ICAM1: variants seen among roughly 807,000 people sequenced by gnomAD.
ICAM1 encodes the protein ICAM-1.
ICAM1 carries 28 observed loss-of-function variants against 42.3 expected under a neutral mutation model. The observed-to-expected ratio is 0.66, with a 90% CI of 0.49 to 0.91. The LOEUF (loss-of-function observed/expected upper bound fraction) is 0.91, where lower values mean the gene tolerates loss of function less well. Among genes scored for constraint, ICAM1 ranks in the 40% least tolerant of loss-of-function variants. ICAM1 has a pLI of 0.00. For synonymous variants in ICAM1, 304 were observed against 305.9 expected (o/e 0.99, Z 0.07); for missense variants, 637 against 688.6 (o/e 0.93, Z 0.84).
rs2040080175 is a variant in ICAM1 at position 10,283,789 on chromosome 19, G to C, written c.637+3G>C. The C allele has an allele frequency of 6.3e-7, 1 of 1,592,888 alleles. No individual in the cohort carries two copies. The highest frequency in any genetic ancestry group is 2.2e-5 in the East Asian group (1 of 44,496). On this transcript the variant is annotated splice_donor_region_variant and intron_variant, in intron 3 of 6. Coordinates refer to ENST00000264832, the MANE Select transcript of ICAM1 (RefSeq NM_000201.3). Reference sequence around the variant, plus strand: ...CCCCTACCAGCTCCAGACCTTTGGTGAGGATTGAAGAAGCCAGCAGGGAGA... The same window carrying C: ...CCCCTACCAGCTCCAGACCTTTGGTCAGGATTGAAGAAGCCAGCAGGGAGA...
chr19:10,282,573 T>TG (rs1054103953), intron 2 of ICAM1, among the ~76,000 whole-genome samples: 33 of 151,992 alleles, frequency 2.2e-4, no homozygotes, highest in Admixed American at 7.2e-4. Flanking sequence ...TTCTTAGAGA[T>TG]GGGGGTCTCC....
chr19:10,280,933 GTT>G (rs2040051922), intron 2 of ICAM1, among the ~76,000 whole-genome samples: 1 of 144,918 alleles, frequency 6.9e-6, no homozygotes, highest in Non-Finnish European at 1.5e-5. Flanking sequence ...GAGTGCAGTG[GTT>G]CGATCTGGGC....
At position 10,283,741 on chromosome 19, in the gene ICAM1, G is replaced by A. The variant is rs2040079656; in HGVS notation, c.592G>A (p.Glu198Lys). Residue 198 changes from glutamate to lysine, a missense_variant, in exon 3 of 7, where the codon GAG (glutamate) becomes AAG (lysine). Transcript: ENST00000264832. The stretch of plus-strand genomic sequence containing the variant: ...ACTGGACCTGCGGCCCCAAGGGCTG[G>A]AGCTGTTTGAGAACACCTCGGCCCC... Reference protein sequence around the residue: ...TELDLRPQGLELFENTSAPYQ... With the variant: ...TELDLRPQGLKLFENTSAPYQ... 6.2e-7 allele frequency: 1 copy of A among 1,612,908 alleles called. No homozygotes were observed. Among genetic ancestry groups the A allele is most frequent in the African/African-American group, 1.3e-5 (1 of 74,906 alleles).
chr19:10,273,796 T>C (rs573549813), intron 1 of ICAM1, among the ~76,000 whole-genome samples: 2 of 152,142 alleles, frequency 1.3e-5, no homozygotes, highest in African/African-American at 4.8e-5. Flanking sequence ...GGCGGATCAC[T>C]TGAGGCCAGG....
chr19:10,281,775 TCTAGAGTACAG>T (rs2040061441), intron 2 of ICAM1, among the ~76,000 whole-genome samples: 1 of 147,520 alleles, frequency 6.8e-6, no homozygotes, highest in Admixed American at 6.9e-5. Context: ...TGTCACTCAG[TCTAGAGTACAG>T]TGGCGCGATC....
chr19:10,284,729 G>C lies in ICAM1; in HGVS notation c.1181-54G>C. 6.2e-7 allele frequency: 1 copy of C among 1,608,794 alleles called. No individual in the cohort carries two copies. Among genetic ancestry groups the C allele is most frequent in the East Asian group, 2.2e-5 (1 of 44,852 alleles). On this transcript the variant is annotated intron_variant, in intron 5 of 6. Coordinates refer to ENST00000264832, the MANE Select transcript of ICAM1 (RefSeq NM_000201.3). The surrounding 1 kb of genome is among the most constrained non-coding windows in gnomAD (Gnocchi z 5.4). ...CTCCCTGAAGGTCCCATAAGGTCTT[G>C]CCTCCAAGTCCTGCCCCCACCCACC... is the stretch of plus-strand genomic sequence containing the variant.
intron 1 of ICAM1, among the ~76,000 whole-genome samples, chr19:10,273,362 C>T (rs529231130): frequency 6.6e-6 from 1 of 152,044 alleles, no homozygotes. Context: ...CGTGGTGGCG[C>T]ATGCCTGTAA....
chr19:10,283,856 C>T, intron 3 of ICAM1, 70 bp downstream of exon 3: 1 of 1,497,816 alleles, frequency 6.7e-7, no homozygotes, highest in Non-Finnish European at 9.0e-7. Flanking sequence ...CCTGTGGCCA[C>T]AGGATCTTTT....
In ICAM1 at chr19:10,284,201, C is replaced by T. The variant is rs2040084337; in HGVS notation, c.806C>T (p.Ser269Phe). Residue 269 changes from serine to phenylalanine, a missense_variant, in exon 4 of 7, where the codon TCC becomes TTC. Ser to Phe is a radical substitution (Grantham distance 155, BLOSUM62 -2). Coordinates refer to ENST00000264832, the MANE Select transcript of ICAM1 (RefSeq NM_000201.3). This position sits in a 1 kb window ranked among gnomAD's most constrained non-coding sequence, Gnocchi z 5.4. ...CCCACAGTCACCTATGGCAACGACT[C>T]CTTCTCGGCCAAGGCCTCAGTCAGT... is the stretch of plus-strand genomic sequence containing the variant. Reference protein sequence around the residue: ...LNPTVTYGNDSFSAKASVSVT... With the variant: ...LNPTVTYGNDFFSAKASVSVT... The T allele has an allele frequency of 1.2e-6, 2 of 1,613,944 alleles. No individual in the cohort carries two copies. The highest frequency in any genetic ancestry group is 1.1e-5 in the South Asian group (1 of 91,082).
chr19:10,284,677 A>G lies in ICAM1; in HGVS notation c.1180+20A>G. Reference sequence around the variant, plus strand: ...TCCTGTGTGAGTGGGGCTGCTGGTCAATGGCCCCTATCCCCCAAGGCCCAA... The same window carrying G: ...TCCTGTGTGAGTGGGGCTGCTGGTCGATGGCCCCTATCCCCCAAGGCCCAA... On this transcript the variant is annotated intron_variant, in intron 5 of 6. Coordinates refer to ENST00000264832, the MANE Select transcript of ICAM1 (RefSeq NM_000201.3). The surrounding 1 kb of genome is among the most constrained non-coding windows in gnomAD (Gnocchi z 5.4). The G allele has an allele frequency of 1.9e-6, 3 of 1,613,514 alleles. No individual in the cohort carries two copies. Among genetic ancestry groups the G allele is most frequent in the Non-Finnish European group, 2.5e-6 (3 of 1,179,644 alleles).
chr19:10,283,478 C>T lies in ICAM1; in HGVS notation c.332-3C>T. On this transcript the variant is annotated splice_region_variant and splice_polypyrimidine_tract_variant and intron_variant, in intron 2 of 6. Coordinates refer to ENST00000264832, the MANE Select transcript of ICAM1 (RefSeq NM_000201.3). ...AGACACCCCCACCTCTGTTTTCCTGCAGGGACTCCAGAACGGGTGGAACTG... is the reference window on the plus strand; with the variant it reads ...AGACACCCCCACCTCTGTTTTCCTGTAGGGACTCCAGAACGGGTGGAACTG... The T allele has an allele frequency of 1.3e-6, 2 of 1,542,050 alleles. No individual in the cohort carries two copies. The highest frequency in any genetic ancestry group is 2.3e-5 in the East Asian group (1 of 44,170).
In ICAM1 at chr19:10,284,083, G is replaced by C; in HGVS notation, c.688G>C (p.Asp230His). The C allele has an allele frequency of 6.2e-7, 1 of 1,614,008 alleles. No homozygotes were observed. The highest frequency in any genetic ancestry group is 2.2e-5 in the East Asian group (1 of 44,856). ...TGTCAGCCCCCGGGTCCTAGAGGTG[G>C]ACACGCAGGGGACCGTGGTCTGTTC... ...QLVSPRVLEV[D>H]TQGTVVCSLD... The change falls in exon 4 of 7, where the codon GAC becomes CAC. Residue 230 changes from aspartate (D) to histidine (H), a missense_variant. Coordinates refer to ENST00000264832, the MANE Select transcript of ICAM1 (RefSeq NM_000201.3). The surrounding 1 kb of genome is among the most constrained non-coding windows in gnomAD (Gnocchi z 5.4).
Position 10,284,700 on chromosome 19 carries a change from C to A in ICAM1, c.1180+43C>A. 6.2e-7 allele frequency: 1 copy of A among 1,612,626 alleles called. No homozygotes were observed. Among genetic ancestry groups the A allele is most frequent in the Non-Finnish European group, 8.5e-7 (1 of 1,179,442 alleles). ...TCAATGGCCCCTATCCCCCAAGGCC[C>A]AATCTCCCTGAAGGTCCCATAAGGT... On this transcript the variant is annotated intron_variant, in intron 5 of 6. Coordinates refer to ENST00000264832, the MANE Select transcript of ICAM1 (RefSeq NM_000201.3). The surrounding 1 kb of genome is among the most constrained non-coding windows in gnomAD (Gnocchi z 5.4).
At chr19:10,276,651 T>C (rs2040019399) in intron 2 of ICAM1, among the ~76,000 whole-genome samples, 1 of 150,646 alleles carries the variant, frequency 6.6e-6, no homozygotes. Context: ...AGCCCAACCC[T>C]GTGGCGGGAA....
chr19:10,280,964 C>T (rs1417454058), intron 2 of ICAM1, among the ~76,000 whole-genome samples: 1 of 151,000 alleles, frequency 6.6e-6, no homozygotes, highest in Non-Finnish European at 1.5e-5. Context: ...AGCTCCGCCT[C>T]CCGGGTTCAC....
intron 2 of ICAM1, 118 bp downstream of exon 2, chr19:10,275,146 C>T (rs966918769): frequency 2.0e-6 from 2 of 1,004,970 alleles, no homozygotes; most frequent in African/African-American, 1.6e-5. Context: ...AGGAGGGGCT[C>T]CTTGCAGGGC....
In ICAM1 at chr19:10,286,160, C is replaced by T. The variant is rs527426214; in HGVS notation, c.*873C>T. On this transcript the variant is annotated 3_prime_UTR_variant, in exon 7 of 7. Coordinates refer to ENST00000264832, the MANE Select transcript of ICAM1 (RefSeq NM_000201.3). ...ACATTTCTGCCAGTGTTCACAATGA[C>T]ACTCAGCGGTCATGTCTGGACATGA... The T allele has an allele frequency of 3.9e-5, 6 of 152,540 alleles. No homozygotes were observed. The highest frequency in any genetic ancestry group is 1.4e-4 in the African/African-American group (6 of 41,584). 9.4% of individuals were successfully genotyped at this position (152,540 alleles called of 1,614,324 possible).
At chr19:10,274,294 T>C (rs1240623409) in intron 1 of ICAM1, among the ~76,000 whole-genome samples, 1 of 151,952 alleles carries the variant, frequency 6.6e-6, no homozygotes, top group South Asian at 2.1e-4. Flanking sequence ...CAGTTATTAA[T>C]TATCTTGTTT....
chr19:10,274,671 G>T, intron 1 of ICAM1, 94 bp from the exon 2 acceptor site: 1 of 1,394,600 alleles, frequency 7.2e-7, no homozygotes. Flanking sequence ...GTCTTGTTAA[G>T]GCTGTGCCTC....
Sources: allele counts gnomAD v4.1 joint callset (sites outside exome capture counted in the v4.1 genomes callset), GRCh38; gene constraint gnomAD v4.1.1; non-coding constraint Gnocchi (gnomAD v3.1); transcripts MANE v1.5; gene names NCBI Gene and HGNC (gene_info 2026-07-23, HGNC 2026-07-21).